Variants in NXPH1 observed in about 807,000 individuals in gnomAD.
NXPH1 encodes neurexophilin-1.
A neutral mutation model predicts 23.7 loss-of-function variants in NXPH1; 5 were observed. That is an observed-to-expected ratio of 0.21 (90% CI 0.11 to 0.44). The LOEUF is 0.44. Among genes scored for constraint, NXPH1 ranks in the 20% least tolerant of loss-of-function variants. NXPH1 has a pLI of 0.99. For synonymous variants in NXPH1, 144 were observed against 122.2 expected (o/e 1.18, Z -1.18); for missense variants, 324 against 321.6 (o/e 1.01, Z -0.06).
At chr7:8,618,061 G>A (rs1309344426) in intron 2 of NXPH1, among the ~76,000 whole-genome samples, 2 of 152,004 alleles carry the variant, frequency 1.3e-5, no homozygotes, top group Admixed American at 1.3e-4. Context: ...CAGATTTGGG[G>A]CATGGGTAAC....
In NXPH1 at chr7:8,751,820, C is replaced by T. The variant is rs1780569607; in HGVS notation, c.*51C>T. 6.6e-7 allele frequency: 1 copy of T among 1,511,946 alleles called. No homozygotes were observed. Among genetic ancestry groups the T allele is most frequent in the Non-Finnish European group, 8.9e-7 (1 of 1,126,194 alleles). The allele number at this position is 1,511,946 out of a possible 1,614,324, so 93.7% of individuals were successfully genotyped here. A position where few individuals can be genotyped will look rare whatever the true frequency, so the allele number is the denominator to read the frequency against. On this transcript the variant is annotated 3_prime_UTR_variant, in exon 3 of 3. Transcript: ENST00000405863. The surrounding 1 kb of genome is among the most constrained non-coding windows in gnomAD (Gnocchi z 4.5). ...GCCTGAGGAATTAAAGGTCATATGA[C>T]AGGGCTGTTACCTCAAAGAAGAAGG...
intron 2 of NXPH1, among the ~76,000 whole-genome samples, chr7:8,591,900 A>C (rs1279087193): frequency 6.6e-6 from 1 of 150,628 alleles, no homozygotes; most frequent in Non-Finnish European, 1.5e-5. Context: ...GTTTGAGGAC[A>C]AGTTGTCTGT....
intron 2 of NXPH1, among the ~76,000 whole-genome samples, chr7:8,669,430 G>A (rs771213491): frequency 7.9e-5 from 12 of 151,926 alleles, no homozygotes; most frequent in African/African-American, 2.2e-4. Context: ...GGGTTGACCC[G>A]AATCTCAGAC....
intron 2 of NXPH1, among the ~76,000 whole-genome samples, chr7:8,452,666 C>T (rs1034920093): frequency 6.6e-6 from 1 of 152,030 alleles, no homozygotes; most frequent in Admixed American, 6.6e-5. Flanking sequence ...GAAAAGAAAG[C>T]CTTTTCCATG....
intron 2 of NXPH1, among the ~76,000 whole-genome samples, chr7:8,694,028 A>C (rs1299314987): frequency 6.6e-6 from 1 of 152,168 alleles, no homozygotes; most frequent in African/African-American, 2.4e-5. Flanking sequence ...GACATTTGTA[A>C]AACAGTTTTC....
intron 2 of NXPH1, among the ~76,000 whole-genome samples, chr7:8,624,518 A>T (rs1456046119): frequency 6.6e-6 from 1 of 152,116 alleles, no homozygotes; most frequent in African/African-American, 2.4e-5. Context: ...TGGTGGAAAG[A>T]AAAAGTGAGG....
intron 2 of NXPH1, among the ~76,000 whole-genome samples, chr7:8,570,989 G>T (rs952981718): frequency 6.6e-6 from 1 of 151,192 alleles, no homozygotes; most frequent in Admixed American, 6.6e-5. Flanking sequence ...AACAGAATCA[G>T]TATATATATG....
chr7:8,628,856 T>C (rs1820059105), intron 2 of NXPH1, among the ~76,000 whole-genome samples: 1 of 151,754 alleles, frequency 6.6e-6, no homozygotes, highest in Non-Finnish European at 1.5e-5. Context: ...GGTTATTTTA[T>C]GAAAGCTGCA....
At chr7:8,634,690 TTTTTTC>T in intron 2 of NXPH1, among the ~76,000 whole-genome samples, 1 of 109,674 alleles carries the variant, frequency 9.1e-6, no homozygotes, top group African/African-American at 3.7e-5. Context: ...TTTTTTTTTT[TTTTTTC>T]CAAAGAGCAG....
At chr7:8,701,035 C>T (rs1367091996) in intron 2 of NXPH1, among the ~76,000 whole-genome samples, 2 of 152,052 alleles carry the variant, frequency 1.3e-5, no homozygotes, top group Admixed American at 6.6e-5. Context: ...TTTCACCACT[C>T]TCTCAACTCC....
intron 2 of NXPH1, among the ~76,000 whole-genome samples, chr7:8,709,780 A>G (rs1779758792): frequency 6.6e-6 from 1 of 152,228 alleles, no homozygotes; most frequent in Admixed American, 6.5e-5. Flanking sequence ...CCAAAGTACA[A>G]TGATTTTCTA....
intron 2 of NXPH1, among the ~76,000 whole-genome samples, chr7:8,500,878 C>T (rs1385884026): frequency 6.6e-6 from 1 of 152,002 alleles, no homozygotes; most frequent in East Asian, 1.9e-4. Context: ...TAAATAATGA[C>T]GTAGGGGTCC....
intron 2 of NXPH1, among the ~76,000 whole-genome samples, chr7:8,438,696 A>G (rs2128603791): frequency 6.6e-6 from 1 of 152,320 alleles, no homozygotes. Flanking sequence ...CAAATTTGAG[A>G]ATAACTTCTT....
At chr7:8,620,738 A>C (rs1819850554) in intron 2 of NXPH1, among the ~76,000 whole-genome samples, 1 of 152,334 alleles carries the variant, frequency 6.6e-6, no homozygotes, top group Non-Finnish European at 1.5e-5. Context: ...CTTTCCTTAA[A>C]ATGATTAGAT....
At chr7:8,438,748 A>G (rs1290327803) in intron 2 of NXPH1, among the ~76,000 whole-genome samples, 1 of 152,212 alleles carries the variant, frequency 6.6e-6, no homozygotes, top group Non-Finnish European at 1.5e-5. Flanking sequence ...ACCAAGCCAC[A>G]GTTTCCTACC....
chr7:8,635,491 G>T (rs757373363), intron 2 of NXPH1, among the ~76,000 whole-genome samples: 1 of 151,946 alleles, frequency 6.6e-6, no homozygotes, highest in African/African-American at 2.4e-5. Flanking sequence ...TTGGTTTCTG[G>T]TATTTCCTCC....
intron 2 of NXPH1, among the ~76,000 whole-genome samples, chr7:8,656,510 T>A (rs1422261212): frequency 7.0e-5 from 1 of 14,190 alleles, no homozygotes; most frequent in African/African-American, 1.5e-4. Context: ...AGTTAATGTT[T>A]TTTTTTTTTT....
intron 2 of NXPH1, among the ~76,000 whole-genome samples, chr7:8,462,489 A>G (rs940120779): frequency 7.2e-5 from 11 of 152,218 alleles, no homozygotes; most frequent in African/African-American, 2.7e-4. Context: ...TGGAGAAAAA[A>G]CTGAAGGATA....
At chr7:8,467,799 T>C (rs1006907293) in intron 2 of NXPH1, among the ~76,000 whole-genome samples, 5 of 152,180 alleles carry the variant, frequency 3.3e-5, no homozygotes, top group Non-Finnish European at 5.9e-5. Context: ...TGAGTAATCA[T>C]GAATACACAT....
Sources: allele counts gnomAD v4.1 joint callset (sites outside exome capture counted in the v4.1 genomes callset), GRCh38; gene constraint gnomAD v4.1.1; non-coding constraint Gnocchi (gnomAD v3.1); transcripts MANE v1.5; gene names NCBI Gene and HGNC (gene_info 2026-07-23, HGNC 2026-07-21).